The following NEK7 variants were observed in gnomAD, a reference collection of about 807,000 sequenced individuals.
NEK7 encodes serine/threonine-protein kinase Nek7.
Under a neutral mutation model 44.6 loss-of-function variants are expected in NEK7, and 18 were observed. The ratio of observed to expected loss-of-function variants is 0.40; its 90% CI spans 0.28 to 0.60. The LOEUF (loss-of-function observed/expected upper bound fraction) is 0.60. NEK7 is among the 20% of genes least tolerant of loss of function. The pLI is 0.38. For missense variants in NEK7, 256 were observed against 366.5 expected, an observed-to-expected ratio of 0.70 and a Z score of 2.46; for synonymous variants, 130 against 121.1, an observed-to-expected ratio of 1.07 and a Z score of -0.48.
chr1:198,294,857 AT>A (rs1654664085), intron 8 of NEK7, among the ~76,000 whole-genome samples: 1 of 152,046 alleles, frequency 6.6e-6, no homozygotes, highest in South Asian at 2.1e-4. Flanking sequence ...AAGAACTAGA[AT>A]TTTTCTAAAG....
intron 7 of NEK7, among the ~76,000 whole-genome samples, chr1:198,289,603 C>A (rs1430418548): frequency 6.6e-6 from 1 of 152,100 alleles, no homozygotes; most frequent in Non-Finnish European, 1.5e-5. Context: ...AAAAAACACA[C>A]AAAAAAGCAA....
At chr1:198,291,171 G>A (rs1357924755) in intron 7 of NEK7, among the ~76,000 whole-genome samples, 4 of 151,994 alleles carry the variant, frequency 2.6e-5, no homozygotes, top group Non-Finnish European at 5.9e-5. Context: ...TTTGCTTTTG[G>A]TAAACTCTGA....
At chr1:198,281,849 A>G (rs915628438) in intron 7 of NEK7, among the ~76,000 whole-genome samples, 5 of 152,082 alleles carry the variant, frequency 3.3e-5, no homozygotes, top group African/African-American at 1.2e-4. Context: ...AACATACAAT[A>G]AAACCTGTAG....
intron 1 of NEK7, among the ~76,000 whole-genome samples, chr1:198,204,735 A>AG (rs1268578251): frequency 6.6e-6 from 1 of 151,758 alleles, no homozygotes; most frequent in African/African-American, 2.4e-5. Flanking sequence ...AAAAAAAAAA[A>AG]AAAGAAACTC....
At chr1:198,313,023 A>G (rs1655240147) in intron 9 of NEK7, among the ~76,000 whole-genome samples, 1 of 151,816 alleles carries the variant, frequency 6.6e-6, no homozygotes, top group Non-Finnish European at 1.5e-5. Context: ...TGATCTGTCT[A>G]ATGTTGACAG....
chr1:198,171,716 C>T (rs954793416), intron 1 of NEK7, among the ~76,000 whole-genome samples: 20 of 152,080 alleles, frequency 1.3e-4, no homozygotes, highest in African/African-American at 4.8e-4. Flanking sequence ...TGATTTTGGC[C>T]TTGGCATTTT....
intron 5 of NEK7, among the ~76,000 whole-genome samples, chr1:198,267,274 C>CTCATTCATTCAT (rs61574788): frequency 2.6e-5 from 4 of 151,352 alleles, no homozygotes; most frequent in South Asian, 2.1e-4. Flanking sequence ...ACACCTGTTC[C>CTCATTCATTCAT]TCATTCATTC....
chr1:198,166,713 C>A (rs1664279684), intron 1 of NEK7, among the ~76,000 whole-genome samples: 1 of 152,074 alleles, frequency 6.6e-6, no homozygotes, highest in East Asian at 1.9e-4. Flanking sequence ...ATTCATGGTG[C>A]CCCAAAACAA....
chr1:198,257,952 T>C (rs1361247069), intron 3 of NEK7, among the ~76,000 whole-genome samples: 1 of 151,908 alleles, frequency 6.6e-6, no homozygotes, highest in African/African-American at 2.4e-5. Context: ...AGACAATAAA[T>C]CAAATAATTA....
intron 1 of NEK7, among the ~76,000 whole-genome samples, chr1:198,204,103 C>A (rs907378809): frequency 2.6e-5 from 4 of 151,914 alleles, no homozygotes; most frequent in Non-Finnish European, 4.4e-5. Flanking sequence ...AAAAAAATTT[C>A]TTAAAAATTA....
At chr1:198,235,667 A>C (rs7523179) in intron 2 of NEK7, among the ~76,000 whole-genome samples, 1 of 152,118 alleles carries the variant, frequency 6.6e-6, no homozygotes, top group African/African-American at 2.4e-5. Context: ...TTGGGTGAAG[A>C]TGGCTATGGT....
intron 2 of NEK7, among the ~76,000 whole-genome samples, chr1:198,242,813 T>A (rs1363406678): frequency 6.6e-6 from 1 of 151,020 alleles, no homozygotes; most frequent in Non-Finnish European, 1.5e-5. Flanking sequence ...TTTTTAATTT[T>A]TTTTTTTGTA....
chr1:198,204,735 AAAAG>A (rs1665542575), intron 1 of NEK7, among the ~76,000 whole-genome samples: 1 of 151,756 alleles, frequency 6.6e-6, no homozygotes, highest in African/African-American at 2.4e-5. Flanking sequence ...AAAAAAAAAA[AAAAG>A]AAACTCAGGT....
intron 8 of NEK7, among the ~76,000 whole-genome samples, chr1:198,296,069 T>A (rs543978074): frequency 2.6e-5 from 4 of 152,202 alleles, no homozygotes; most frequent in African/African-American, 9.6e-5. Context: ...GAGTTAAAGC[T>A]CTGTCTGGAG....
chr1:198,308,526 C>A (rs1050831527), intron 9 of NEK7, among the ~76,000 whole-genome samples: 1 of 152,202 alleles, frequency 6.6e-6, no homozygotes, highest in Non-Finnish European at 1.5e-5. Flanking sequence ...CTGATGAATG[C>A]TATTTCTTGC....
intron 4 of NEK7, 46 bp from the exon 5 acceptor site, chr1:198,264,079 A>C: frequency 6.4e-7 from 1 of 1,550,402 alleles, no homozygotes; most frequent in South Asian, 1.2e-5. Context: ...TGACTCTTGG[A>C]TATTTACAGT....
In NEK7 at chr1:198,185,226, G is replaced by A. The variant is rs1449936429; in HGVS notation, c.-29+27950G>A. On this transcript the variant is annotated intron_variant, in intron 1 of 9. Transcript: ENST00000367385. ...TTTTTTTTTTTTTGGTCAGAAGAGA[G>A]GCTTTTTGCTTAGTGATTCTGTGTT... Among the ~76,000 whole-genome samples the A allele has an allele frequency of 2.2e-5, 3 of 137,046 alleles. No individual in the cohort carries two copies. In the East Asian group the frequency reaches 6.1e-4, roughly 28 times the overall value. The allele number at this position is 137,046 out of a possible 152,430, so 89.9% of individuals were successfully genotyped here. A position where few individuals can be genotyped will look rare whatever the true frequency, so the allele number is the denominator to read the frequency against.
In NEK7 at chr1:198,256,375, A is replaced by T. The variant is rs376243713; in HGVS notation, c.198+3195A>T. The T allele has an allele frequency of 3.1e-6, 5 of 1,611,978 alleles. No homozygotes were observed. The South Asian group carries it at 3.3e-5, about 11-fold the overall frequency. On this transcript the variant is annotated intron_variant, in intron 3 of 9. Transcript: ENST00000367385. ...AAAGAAGAGTGTGTGCGCTAAATGC[A>T]TGTTACTTCTTGGAAATCATAAAGG...
intron 5 of NEK7, among the ~76,000 whole-genome samples, chr1:198,268,552 A>G (rs1392735044): frequency 6.6e-6 from 1 of 152,032 alleles, no homozygotes; most frequent in Admixed American, 6.6e-5. Flanking sequence ...CCCAACATCC[A>G]GCACCCATTC....
Sources: gnomAD v4.1 joint callset for allele counts (sites outside exome capture counted in the v4.1 genomes callset) on GRCh38, gnomAD v4.1.1 for gene constraint, MANE v1.5 for transcripts, NCBI Gene and HGNC (gene_info 2026-07-23, HGNC 2026-07-21) for gene names.